The following MREG variants were observed in gnomAD, a reference collection of about 807,000 sequenced individuals.
The protein encoded by MREG is dilute suppressor protein homolog.
In MREG, 31 loss-of-function variants were observed where a neutral mutation model predicts 28.5. The observed-to-expected ratio is 1.09, with a 90% CI of 0.82 to 1.47. The LOEUF (loss-of-function observed/expected upper bound fraction) is 1.47, where lower values mean the gene tolerates loss of function less well. Among genes scored for constraint, MREG ranks in the 40% most tolerant of loss-of-function variants. The probability of loss-of-function intolerance (pLI) is 0.00; values close to 1 mark genes in which losing one functional copy is unlikely to be tolerated. For missense variants in MREG, 256 were observed against 257.4 expected (o/e 0.99, Z 0.04); for synonymous variants, 106 against 95.2 (o/e 1.11, Z -0.66).
intron 1 of MREG, among the ~76,000 whole-genome samples, chr2:216,008,098 TGTGCTTC>T (rs1454285004): frequency 2.0e-5 from 3 of 151,984 alleles, no homozygotes; most frequent in African/African-American, 7.3e-5. Flanking sequence ...AAGAATCAGC[TGTGCTTC>T]ATAGGGCTAT....
chr2:215,949,553 T>C (rs1362048529), intron 2 of MREG, among the ~76,000 whole-genome samples: 1 of 149,210 alleles, frequency 6.7e-6, no homozygotes, highest in Non-Finnish European at 1.5e-5. Context: ...AGAGCAAGAC[T>C]CTGTCTCAAA....
At chr2:216,031,457 GAGAAAGAAAGAA>G (rs1274456248) in intron 1 of MREG, among the ~76,000 whole-genome samples, 1 of 117,776 alleles carries the variant, frequency 8.5e-6, no homozygotes, top group African/African-American at 3.2e-5. Flanking sequence ...GAAAGAAAGA[GAGAAAGAAAGAA>G]AGAAAGAGAA....
At chr2:215,962,662 A>T (rs1160996999) in intron 2 of MREG, among the ~76,000 whole-genome samples, 2 of 152,194 alleles carry the variant, frequency 1.3e-5, no homozygotes, top group African/African-American at 4.8e-5. Context: ...CCAAATTTAG[A>T]CTGAACTCTG....
rs938948888 is a variant in MREG at position 215,943,114 on chromosome 2, T to C, written c.*1749A>G. On this transcript the variant is annotated 3_prime_UTR_variant, in exon 5 of 5. Coordinates refer to ENST00000263268, the MANE Select transcript of MREG (RefSeq NM_018000.3). ...TAAAAATTTTCAAGTCACAGTCCTC[T>C]AAGCAGACTAAATACAAGTTAGTTT... 1 of 230,326 alleles carries C rather than the reference T, an allele frequency of 4.3e-6. No individual in the cohort carries two copies. Among genetic ancestry groups the C allele is most frequent in the African/African-American group, 2.3e-5 (1 of 43,698 alleles). 14.3% of individuals were successfully genotyped at this position (230,326 alleles called of 1,614,324 possible).
downstream of MREG, among the ~76,000 whole-genome samples, chr2:215,940,327 T>C (rs1313730706): frequency 6.6e-6 from 1 of 152,218 alleles, no homozygotes; most frequent in African/African-American, 2.4e-5. Context: ...TATGAGAGTA[T>C]ACTCCCTTCA....
intron 2 of MREG, among the ~76,000 whole-genome samples, chr2:215,993,442 A>G (rs1693774099): frequency 6.6e-6 from 1 of 152,238 alleles, no homozygotes; most frequent in African/African-American, 2.4e-5. Context: ...AAAGACTTAA[A>G]CATAAGACCT....
At chr2:215,978,120 A>C (rs983976246) in intron 2 of MREG, among the ~76,000 whole-genome samples, 2 of 152,194 alleles carry the variant, frequency 1.3e-5, no homozygotes, top group East Asian at 1.9e-4. Context: ...GATCAACAAA[A>C]TTGATAGACC....
intron 1 of MREG, among the ~76,000 whole-genome samples, chr2:216,000,856 G>T (rs1205245306): frequency 2.6e-5 from 4 of 152,184 alleles, no homozygotes; most frequent in Admixed American, 1.3e-4. Context: ...TGAAAAATCA[G>T]TAAAAATAAC....
At position 215,944,260 on chromosome 2, in the gene MREG, G is replaced by A. The variant is rs934702588; in HGVS notation, c.*603C>T. ...CCCAAAGTGCTGGGATTACAGGCATGAGCCACCACGCCCAGCCATTCCTTG... is the reference window on the plus strand; with the variant it reads ...CCCAAAGTGCTGGGATTACAGGCATAAGCCACCACGCCCAGCCATTCCTTG... On this transcript the variant is annotated 3_prime_UTR_variant, in exon 5 of 5. Transcript: ENST00000263268. 6.6e-6 allele frequency: 1 copy of A among 152,214 alleles called. No homozygotes were observed. Among genetic ancestry groups the A allele is most frequent in the Admixed American group, 6.5e-5 (1 of 15,274 alleles). 9.4% of individuals were successfully genotyped at this position (152,214 alleles called of 1,614,324 possible). A position where few individuals can be genotyped will look rare whatever the true frequency, so the allele number is the denominator to read the frequency against.
At chr2:216,023,084 T>C (rs1694549535) in intron 1 of MREG, among the ~76,000 whole-genome samples, 1 of 152,312 alleles carries the variant, frequency 6.6e-6, no homozygotes, top group East Asian at 1.9e-4. Flanking sequence ...ACTCAAGAGA[T>C]ACATCGACAG....
intron 2 of MREG, among the ~76,000 whole-genome samples, chr2:215,971,910 A>G (rs1265397828): frequency 6.6e-6 from 1 of 152,176 alleles, no homozygotes; most frequent in Non-Finnish European, 1.5e-5. Flanking sequence ...ATCATTTCTC[A>G]AACGCACTGC....
intron 1 of MREG, among the ~76,000 whole-genome samples, chr2:216,006,938 A>G (rs981565590): frequency 6.6e-6 from 1 of 152,286 alleles, no homozygotes; most frequent in African/African-American, 2.4e-5. Flanking sequence ...ATAACAATTC[A>G]GGGAAAGATT....
chr2:215,953,187 T>C (rs1425893196), intron 2 of MREG, among the ~76,000 whole-genome samples: 1 of 152,246 alleles, frequency 6.6e-6, no homozygotes, highest in Non-Finnish European at 1.5e-5. Flanking sequence ...TGATGTTTTC[T>C]TTGCCAACAT....
chr2:216,002,960 TC>T (rs1229884523), intron 1 of MREG, among the ~76,000 whole-genome samples: 1 of 151,650 alleles, frequency 6.6e-6, no homozygotes, highest in Non-Finnish European at 1.5e-5. Flanking sequence ...ATTCTCTCTT[TC>T]CTTCTCTCTC....
chr2:215,980,672 G>A (rs1693401047), intron 2 of MREG, among the ~76,000 whole-genome samples: 1 of 152,202 alleles, frequency 6.6e-6, no homozygotes, highest in African/African-American at 2.4e-5. Context: ...GCTCATGCCT[G>A]TAATCCCAGC....
intron 1 of MREG, among the ~76,000 whole-genome samples, chr2:216,005,126 C>T (rs145918369): frequency 4.6e-4 from 70 of 152,144 alleles, no homozygotes; most frequent in Non-Finnish European, 7.8e-4. Flanking sequence ...CTGGAAACCA[C>T]CCAAAAGTCC....
chr2:215,969,777 G>C (rs1000173620), intron 2 of MREG, among the ~76,000 whole-genome samples: 1 of 151,992 alleles, frequency 6.6e-6, no homozygotes, highest in Non-Finnish European at 1.5e-5. Context: ...CAGACCCAGG[G>C]AGAACTGTCT....
intron 3 of MREG, 55 bp from the exon 4 acceptor site, chr2:215,945,789 C>A: frequency 1.3e-6 from 2 of 1,484,134 alleles, no homozygotes; most frequent in South Asian, 1.2e-5. Flanking sequence ...AACAAGTGTT[C>A]CGCAATACGG....
chr2:216,024,143 A>G (rs1432655426), intron 1 of MREG, among the ~76,000 whole-genome samples: 1 of 151,948 alleles, frequency 6.6e-6, no homozygotes, highest in Non-Finnish European at 1.5e-5. Flanking sequence ...TCTCTCCTTG[A>G]GCTCTTTTCA....
Sources: allele counts gnomAD v4.1 joint callset (sites outside exome capture counted in the v4.1 genomes callset), GRCh38; gene constraint gnomAD v4.1.1; transcripts MANE v1.5; gene names NCBI Gene and HGNC (gene_info 2026-07-23, HGNC 2026-07-21).